MID1: variants seen among roughly 807,000 people sequenced by gnomAD.
MID1 encodes the protein midline 1.
A neutral mutation model predicts 40.4 loss-of-function variants in MID1; 7 were observed. The ratio of observed to expected loss-of-function variants is 0.17; its 90% CI spans 0.10 to 0.33. The LOEUF (loss-of-function observed/expected upper bound fraction) is 0.33, where lower values mean the gene tolerates loss of function less well. MID1 is among the 10% of genes least tolerant of loss of function. The pLI, the probability that MID1 is intolerant of heterozygous loss-of-function variation, is 1.00. For missense variants in MID1, 367 were observed against 558.5 expected (o/e 0.66, Z 3.46); for synonymous variants, 229 against 221.2 (o/e 1.04, Z -0.31).
rs769316638 is a variant in MID1, at chrX:10,786,660, A to C, written c.-187+46894T>G. Among the ~76,000 whole-genome samples, 11 of 110,416 alleles carry C rather than the reference A, an allele frequency of 1.0e-4. No individual in the cohort carries two copies. The South Asian group carries it at 2.4e-3, about 24-fold the overall frequency. On this transcript the variant is annotated intron_variant, in intron 1 of 10. Coordinates refer to the MID1 transcript ENST00000380785. ...GCCATAAAAAGGATGAGTTCATGTCATTTGTAGGGACATGGATGAAGCTGG... is the reference window on the plus strand; with the variant it reads ...GCCATAAAAAGGATGAGTTCATGTCCTTTGTAGGGACATGGATGAAGCTGG...
At chrX:10,635,661 G>T (rs1403024634) in intron 1 of MID1, among the ~76,000 whole-genome samples, 1 of 111,804 alleles carries the variant, frequency 8.9e-6, no homozygotes, top group Non-Finnish European at 1.9e-5. Context: ...TTGTCATGCT[G>T]AAATTCTCCA....
chrX:10,608,756 G>A (rs889517251), intron 1 of MID1, among the ~76,000 whole-genome samples: 1 of 111,945 alleles, frequency 8.9e-6, no homozygotes, highest in Non-Finnish European at 1.9e-5. Flanking sequence ...TTGTTTTAAA[G>A]ACCAGTGTTA....
chrX:10,694,935 C>G (rs1287106889), intron 1 of MID1, among the ~76,000 whole-genome samples: 1 of 111,159 alleles, frequency 9.0e-6, no homozygotes, highest in African/African-American at 3.3e-5. Flanking sequence ...ATGATAATAG[C>G]CCCTCCCCAA....
At position 10,782,821 on chromosome X, in the gene MID1, G is replaced by C. The variant is rs544058284; in HGVS notation, c.-187+50733C>G. Among the ~76,000 whole-genome samples, 7 of 111,560 alleles carry C rather than the reference G, an allele frequency of 6.3e-5. No homozygotes were observed. The South Asian group carries it at 2.7e-3, about 43-fold the overall frequency. On this transcript the variant is annotated intron_variant, in intron 1 of 10. Coordinates refer to the MID1 transcript ENST00000380785. Reference sequence around the variant, plus strand: ...AAAATTTAAAACAGTAATCATTTGGGAAGCACTGTTCAAACTGTGGCCCTG... The same window carrying C: ...AAAATTTAAAACAGTAATCATTTGGCAAGCACTGTTCAAACTGTGGCCCTG...
At chrX:10,463,209 A>ACTT (rs1158145493) in intron 7 of MID1, among the ~76,000 whole-genome samples, 1 of 112,658 alleles carries the variant, frequency 8.9e-6, no homozygotes, top group African/African-American at 3.2e-5. Context: ...TAATGTCATT[A>ACTT]CTTTTGCATT....
At chrX:10,752,005 C>T (rs2043602109) in intron 1 of MID1, among the ~76,000 whole-genome samples, 1 of 111,759 alleles carries the variant, frequency 8.9e-6, no homozygotes, top group African/African-American at 3.3e-5. Flanking sequence ...TGCCATGTGA[C>T]ATGGCTGCTC....
intron 1 of MID1, among the ~76,000 whole-genome samples, chrX:10,742,206 T>G (rs1057070605): frequency 9.0e-6 from 1 of 111,140 alleles, no homozygotes; most frequent in African/African-American, 3.3e-5. Flanking sequence ...GAGATGATCA[T>G]ATTTTACCTC....
intron 1 of MID1, among the ~76,000 whole-genome samples, chrX:10,645,031 T>C (rs768534841): frequency 2.7e-5 from 3 of 111,851 alleles, no homozygotes; most frequent in Non-Finnish European, 5.6e-5. Context: ...CTCAAGCTTT[T>C]CTACCATAGT....
chrX:10,560,820 T>TGTCACTTTCCTAGTTGCAAACTGGG (rs1569104899), intron 2 of MID1, among the ~76,000 whole-genome samples: 12 of 107,298 alleles, frequency 1.1e-4, no homozygotes, highest in Admixed American at 1.9e-4. Context: ...GATTCAATGC[T>TGTCACTTTCCTAGTTGCAAACTGGG]ATCCCCATCA....
intron 1 of MID1, among the ~76,000 whole-genome samples, chrX:10,638,208 G>A (rs1030809358): frequency 3.6e-5 from 4 of 111,846 alleles, no homozygotes; most frequent in Non-Finnish European, 5.6e-5. Flanking sequence ...AGGGCAGGGC[G>A]TTGCCTCACC....
chrX:10,543,076 A>G, intron 2 of MID1, among the ~76,000 whole-genome samples: 1 of 112,469 alleles, frequency 8.9e-6, no homozygotes, highest in Non-Finnish European at 1.9e-5. Flanking sequence ...AATATTGACC[A>G]TGAGATAAAT....
At chrX:10,478,089 C>T (rs1930111662) in intron 5 of MID1, among the ~76,000 whole-genome samples, 1 of 112,210 alleles carries the variant, frequency 8.9e-6, no homozygotes, top group South Asian at 3.7e-4. Flanking sequence ...ACAATAGGTA[C>T]TATTCAGAGG....
At chrX:10,563,876 T>C (rs1021566571) in intron 2 of MID1, among the ~76,000 whole-genome samples, 1 of 112,536 alleles carries the variant, frequency 8.9e-6, no homozygotes, top group Non-Finnish European at 1.9e-5. Flanking sequence ...GATATTCTGA[T>C]TTTTTGTATA....
intron 1 of MID1, among the ~76,000 whole-genome samples, chrX:10,762,421 C>T (rs1185049495): frequency 9.0e-6 from 1 of 110,666 alleles, no homozygotes; most frequent in Admixed American, 9.6e-5. Flanking sequence ...CTTATGGACA[C>T]ATTTCCATCT....
chrX:10,731,127 A>T (rs1199595020), intron 1 of MID1, among the ~76,000 whole-genome samples: 3 of 111,823 alleles, frequency 2.7e-5, no homozygotes, highest in African/African-American at 6.5e-5. Context: ...ACTGTCTGTT[A>T]TTCTCCCAAG....
intron 1 of MID1, among the ~76,000 whole-genome samples, chrX:10,736,483 T>A (rs2043488777): frequency 8.9e-6 from 1 of 112,427 alleles, no homozygotes; most frequent in Non-Finnish European, 1.9e-5. Flanking sequence ...TCAAAGAGAC[T>A]CAAACATGTG....
chrX:10,584,494 A>G (rs1357052508), intron 1 of MID1, among the ~76,000 whole-genome samples: 1 of 111,920 alleles, frequency 8.9e-6, no homozygotes, highest in East Asian at 2.8e-4. Context: ...TGGAAGAGGA[A>G]ATTTCAGGAA....
chrX:10,576,022 A>C (rs1934862430), intron 1 of MID1, among the ~76,000 whole-genome samples: 1 of 109,605 alleles, frequency 9.1e-6, no homozygotes, highest in South Asian at 4.0e-4. Flanking sequence ...AAAAGTGACA[A>C]GCAGATGAGC....
intron 1 of MID1, among the ~76,000 whole-genome samples, chrX:10,760,561 C>A (rs1353869462): frequency 8.9e-6 from 1 of 111,780 alleles, no homozygotes; most frequent in Non-Finnish European, 1.9e-5. Flanking sequence ...GGTCGGGGTG[C>A]AGTGGCTCTT....
Sources: allele counts gnomAD v4.1 joint callset (sites outside exome capture counted in the v4.1 genomes callset), GRCh38; gene constraint gnomAD v4.1.1; transcripts MANE v1.5; gene names NCBI Gene and HGNC (gene_info 2026-07-23, HGNC 2026-07-21).